NBAS: variants seen among roughly 807,000 people sequenced by gnomAD.
The protein encoded by NBAS is NAG/BC035112 fusion.
In NBAS, 219 loss-of-function variants were observed where a neutral mutation model predicts 302.5. The observed-to-expected ratio is 0.72, with a 90% CI of 0.65 to 0.81. NBAS has a LOEUF of 0.81. Among genes scored for constraint, NBAS ranks in the 30% least tolerant of loss-of-function variants. The pLI, the probability that NBAS is intolerant of heterozygous loss-of-function variation, is 0.00. For missense variants in NBAS, 2,932 were observed against 2,841.6 expected (o/e 1.03, Z -0.72); for synonymous variants, 1,118 against 1,021.6 (o/e 1.09, Z -1.80).
the NBAS span, among the ~76,000 whole-genome samples, chr2:15,081,635 A>G: frequency 3.9e-5 from 6 of 152,146 alleles, no homozygotes; most frequent in Non-Finnish European, 8.8e-5. Flanking sequence ...TTTTTTCACT[A>G]GAAAGAGATG....
chr2:15,219,902 CG>C (rs1476172439), intron 47 of NBAS, among the ~76,000 whole-genome samples: 5 of 147,312 alleles, frequency 3.4e-5, no homozygotes, highest in African/African-American at 1.3e-4. Flanking sequence ...TAGGGGCGGC[CG>C]GGCAGAAGCG....
chr2:15,424,258 A>T, intron 23 of NBAS, 57 bp downstream of exon 23: 2 of 1,593,608 alleles, frequency 1.3e-6, no homozygotes, highest in Non-Finnish European at 1.7e-6. Flanking sequence ...ACTGAATCCT[A>T]AGGATCCAAG....
intron 29 of NBAS, among the ~76,000 whole-genome samples, chr2:15,380,264 T>C (rs1390348983): frequency 6.6e-6 from 1 of 152,192 alleles, no homozygotes; most frequent in African/African-American, 2.4e-5. Context: ...TCATTTTTAA[T>C]ATGGGTTCTT....
chr2:14,887,556 C>T, the NBAS span, among the ~76,000 whole-genome samples: 17 of 152,146 alleles, frequency 1.1e-4, no homozygotes, highest in Non-Finnish European at 1.8e-4. Flanking sequence ...AACATCCACC[C>T]ACTGGGGGAC....
At position 15,275,895 on chromosome 2, in the gene NBAS, T is replaced by C. The variant is rs1669561294; in HGVS notation, c.5390-77A>G. ...AGAGTCACTTTCAAACACACACACATAGCCCTCTATATGTCTGAACGCAAA... is the reference window on the plus strand; with the variant it reads ...AGAGTCACTTTCAAACACACACACACAGCCCTCTATATGTCTGAACGCAAA... On this transcript the variant is annotated intron_variant, in intron 43 of 51. Coordinates refer to ENST00000281513, the MANE Select transcript of NBAS (RefSeq NM_015909.4). The C allele has an allele frequency of 7.3e-6, 9 of 1,226,854 alleles. No homozygotes were observed. In the South Asian group the frequency reaches 8.6e-5, roughly 12 times the overall value. 76.0% of individuals were successfully genotyped at this position (1,226,854 alleles called of 1,614,324 possible).
the NBAS span, among the ~76,000 whole-genome samples, chr2:14,970,918 G>A: frequency 1.3e-5 from 2 of 152,292 alleles, no homozygotes; most frequent in East Asian, 3.9e-4. Flanking sequence ...ATAAGCTGGA[G>A]CAGTGCCTCC....
At chr2:15,231,837 G>T (rs1403871835) in intron 47 of NBAS, among the ~76,000 whole-genome samples, 1 of 152,050 alleles carries the variant, frequency 6.6e-6, no homozygotes, top group Non-Finnish European at 1.5e-5. Flanking sequence ...ATGGATATTA[G>T]GCATTGTAAA....
chr2:15,145,313 A>T, the NBAS span, among the ~76,000 whole-genome samples: 1 of 151,952 alleles, frequency 6.6e-6, no homozygotes, highest in African/African-American at 2.4e-5. Context: ...CTGTGCTTTT[A>T]CACGCAATCT....
the NBAS span, among the ~76,000 whole-genome samples, chr2:14,943,836 A>G: frequency 6.6e-5 from 10 of 152,172 alleles, no homozygotes; most frequent in African/African-American, 2.4e-4. Context: ...TTATTTTCCA[A>G]TAGGATTTGA....
chr2:15,149,717 C>T, the NBAS span, among the ~76,000 whole-genome samples: 1 of 152,154 alleles, frequency 6.6e-6, no homozygotes, highest in South Asian at 2.1e-4. Context: ...CTACCTCAGC[C>T]TCCTATAGTG....
the NBAS span, among the ~76,000 whole-genome samples, chr2:15,131,241 C>T: frequency 6.6e-6 from 1 of 152,252 alleles, no homozygotes; most frequent in Non-Finnish European, 1.5e-5. Context: ...TTCCAGCCTC[C>T]TCATATGCAA....
chr2:15,554,856 G>T (rs1664575340), intron 3 of NBAS, among the ~76,000 whole-genome samples: 1 of 151,968 alleles, frequency 6.6e-6, no homozygotes, highest in Admixed American at 6.6e-5. Flanking sequence ...TGTAAGATCA[G>T]ATTACAATTT....
intron 3 of NBAS, among the ~76,000 whole-genome samples, chr2:15,554,732 C>T (rs1573010413): frequency 2.0e-5 from 3 of 151,248 alleles, no homozygotes; most frequent in African/African-American, 7.3e-5. Flanking sequence ...CTAGAAACAC[C>T]TCACCATAGG....
intron 48 of NBAS, among the ~76,000 whole-genome samples, chr2:15,207,368 A>T (rs1045153651): frequency 6.6e-6 from 1 of 152,210 alleles, no homozygotes; most frequent in African/African-American, 2.4e-5. Context: ...GTGATTTTAC[A>T]GGCTCGTAAG....
intron 41 of NBAS, among the ~76,000 whole-genome samples, chr2:15,288,351 C>A (rs577024838): frequency 6.6e-6 from 1 of 152,088 alleles, no homozygotes; most frequent in African/African-American, 2.4e-5. Flanking sequence ...TGAAGCTCCA[C>A]GAGAATGGAA....
chr2:15,376,783 G>A (rs1674766052), intron 30 of NBAS, among the ~76,000 whole-genome samples: 1 of 151,852 alleles, frequency 6.6e-6, no homozygotes, highest in African/African-American at 2.4e-5. Flanking sequence ...AGAATGTATG[G>A]GTTATTCTCT....
chr2:15,560,689 T>C (rs1402487625), intron 1 of NBAS, among the ~76,000 whole-genome samples: 1 of 151,998 alleles, frequency 6.6e-6, no homozygotes, highest in Non-Finnish European at 1.5e-5. Context: ...GCTCAGATTC[T>C]GCGCTCTGCA....
chr2:14,809,497 G>C, the NBAS span, among the ~76,000 whole-genome samples: 1 of 152,226 alleles, frequency 6.6e-6, no homozygotes, highest in Non-Finnish European at 1.5e-5. Flanking sequence ...TGTTGAGCCT[G>C]TGGGTGCACA....
chr2:15,504,076 T>G, intron 11 of NBAS, 69 bp downstream of exon 11: 1 of 1,322,098 alleles, frequency 7.6e-7, no homozygotes, highest in Non-Finnish European at 1.1e-6. Flanking sequence ...TCATTCAGCT[T>G]TGACCTTAAA....
Sources: gnomAD v4.1 joint callset for allele counts (sites outside exome capture counted in the v4.1 genomes callset) on GRCh38, gnomAD v4.1.1 for gene constraint, MANE v1.5 for transcripts, NCBI Gene and HGNC (gene_info 2026-07-23, HGNC 2026-07-21) for gene names.